Variants in IFT46 observed in about 807,000 individuals in gnomAD.
IFT46 encodes the protein intraflagellar transport protein 46 homolog.
In IFT46, 19 loss-of-function variants were observed where a neutral mutation model predicts 39.6. The ratio of observed to expected loss-of-function variants is 0.48; its 90% CI spans 0.33 to 0.70. IFT46 has a LOEUF of 0.70. Among genes scored for constraint, IFT46 ranks in the 30% least tolerant of loss-of-function variants. The pLI is 0.01. For synonymous variants in IFT46, 117 were observed against 134.8 expected, an observed-to-expected ratio of 0.87 and a Z score of 0.91; for missense variants, 334 against 364.8, an observed-to-expected ratio of 0.92 and a Z score of 0.69.
In IFT46 at chr11:118,549,491, T is replaced by C. The variant is rs550342906; in HGVS notation, c.672+2295A>G. ...ATTGGTATGTAGAACCTTTCATTTC[T>C]ATGAGTTTAAACTGTCACATTTTCT... On this transcript the variant is annotated intron_variant, in intron 9 of 11. Transcript: ENST00000264021. Among the ~76,000 whole-genome samples the C allele has an allele frequency of 3.3e-5, 5 of 152,132 alleles. No individual in the cohort carries two copies. The South Asian group carries it at 1.0e-3, about 32-fold the overall frequency.
At chr11:118,553,167 C>T (rs974196370) in intron 7 of IFT46, among the ~76,000 whole-genome samples, 1 of 151,644 alleles carries the variant, frequency 6.6e-6, no homozygotes, top group Non-Finnish European at 1.5e-5. Flanking sequence ...TTAGGCTGGG[C>T]TTGGTGGCTC....
chr11:118,555,793 C>T lies in IFT46; in HGVS notation c.186-471G>A, dbSNP rs549224949. On this transcript the variant is annotated intron_variant, in intron 4 of 11. Transcript: ENST00000264021. ...CAAAAATTAGCCAGGTGTGGTGGTG[C>T]ACACCTGTAGTCGCAGCTACTCAGG... Among the ~76,000 whole-genome samples the T allele has an allele frequency of 2.6e-5, 4 of 151,890 alleles. No homozygotes were observed. In the South Asian group the frequency reaches 8.3e-4, roughly 32 times the overall value.
chr11:118,547,319 G>A (rs1329341134), intron 9 of IFT46: 3 of 152,278 alleles, frequency 2.0e-5, no homozygotes, highest in Non-Finnish European at 2.9e-5. Flanking sequence ...CAGGGACAGA[G>A]GGCGGGGAAT....
rs190812737 is a variant in IFT46, at chr11:118,564,535, G to T, written c.-36+430C>A. The stretch of plus-strand genomic sequence containing the variant: ...AGATCAGCCTTGGTAACATAGCGAG[G>T]CCTCGTCTCTATAAAATTAAGAAAA... On this transcript the variant is annotated intron_variant, in intron 2 of 11. Coordinates refer to ENST00000264021, the MANE Select transcript of IFT46 (RefSeq NM_001168618.2). Among the ~76,000 whole-genome samples the T allele has an allele frequency of 3.5e-3, 532 of 152,120 alleles. 3 individuals carry two copies. The highest frequency in any genetic ancestry group is 6.3e-3 in the Non-Finnish European group (427 of 68,010).
chr11:118,573,325 G>A (rs1555072814), upstream of IFT46, among the ~76,000 whole-genome samples: 2 of 152,170 alleles, frequency 1.3e-5, no homozygotes, highest in African/African-American at 4.8e-5. Flanking sequence ...CTCACAGGAG[G>A]TGGAGTAAGA....
intron 4 of IFT46, among the ~76,000 whole-genome samples, chr11:118,555,939 T>C (rs1239089359): frequency 6.6e-6 from 1 of 151,776 alleles, no homozygotes; most frequent in Non-Finnish European, 1.5e-5. Context: ...AAAAAGAGAT[T>C]TAAATATCTG....
chr11:118,564,289 T>C (rs556969476), intron 2 of IFT46, among the ~76,000 whole-genome samples: 2 of 152,162 alleles, frequency 1.3e-5, no homozygotes, highest in South Asian at 4.2e-4. Context: ...CTTACCACAT[T>C]TGGCATGTGT....
At chr11:118,556,273 C>T (rs1165693035) in intron 4 of IFT46, among the ~76,000 whole-genome samples, 6 of 152,206 alleles carry the variant, frequency 3.9e-5, no homozygotes, top group Non-Finnish European at 7.4e-5. Flanking sequence ...GAGCGGATCA[C>T]GAGGTCAGGA....
intron 1 of IFT46, among the ~76,000 whole-genome samples, chr11:118,565,422 A>G (rs1938191414): frequency 7.1e-6 from 1 of 141,342 alleles, no homozygotes; most frequent in Non-Finnish European, 1.5e-5. Flanking sequence ...AAGGCTGTAG[A>G]GGTTCTAGAA....
At chr11:118,555,203 G>A (rs1555069235) in intron 5 of IFT46, 45 bp downstream of exon 5, 1 of 1,569,934 alleles carries the variant, frequency 6.4e-7, no homozygotes, top group Admixed American at 1.7e-5. Context: ...AAGGTTTGGG[G>A]CAAGGTAGGG....
Position 118,551,872 on chromosome 11 carries a change from T to C in IFT46, c.606-20A>G, listed in dbSNP as rs1937653783. ...ATGGGCCTAAAAGTATAAAGGTAAA[T>C]ATGAACAAGAAACGTGAACTGATAA... On this transcript the variant is annotated intron_variant, in intron 8 of 11. Transcript: ENST00000264021. 1.9e-6 allele frequency: 3 copies of C among 1,609,012 alleles called. No homozygotes were observed. The highest frequency in any genetic ancestry group is 2.6e-6 in the Non-Finnish European group (3 of 1,175,626).
intron 1 of IFT46, among the ~76,000 whole-genome samples, chr11:118,571,331 A>G (rs1315100582): frequency 6.6e-6 from 1 of 152,182 alleles, no homozygotes; most frequent in Admixed American, 6.5e-5. Flanking sequence ...ACATCTATTG[A>G]TGAATGGATT....
At chr11:118,572,255 G>A in intron 1 of IFT46, 1 of 436,408 alleles carries the variant, frequency 2.3e-6, no homozygotes. Context: ...GAGATACGAG[G>A]TTCCACAGCT....
chr11:118,551,936 G>A (rs1937655321), intron 8 of IFT46, 84 bp from the exon 9 acceptor site: 2 of 1,344,540 alleles, frequency 1.5e-6, no homozygotes, highest in Admixed American at 1.7e-5. Context: ...TAGGATGAAG[G>A]AGAGGTCTTC....
intron 9 of IFT46, among the ~76,000 whole-genome samples, chr11:118,547,444 A>G (rs1951712253): frequency 6.6e-6 from 1 of 152,122 alleles, no homozygotes; most frequent in Non-Finnish European, 1.5e-5. Context: ...TTTGAGACGG[A>G]GTCTTGCTCT....
rs149978137 is a variant in IFT46 at position 118,544,915 on chromosome 11, C to A, written c.*1G>T. ...CTTGAAACAGCAGCTTGGGAAGTGTCTCAGCTGAAGGTTAATGTCTCCATG... is the reference window on the plus strand; with the variant it reads ...CTTGAAACAGCAGCTTGGGAAGTGTATCAGCTGAAGGTTAATGTCTCCATG... On this transcript the variant is annotated 3_prime_UTR_variant, in exon 12 of 12. Coordinates refer to ENST00000264021, the MANE Select transcript of IFT46 (RefSeq NM_001168618.2). 1 of 1,609,074 alleles carries A rather than the reference C, an allele frequency of 6.2e-7. No homozygotes were observed. The highest frequency in any genetic ancestry group is 1.7e-5 in the Admixed American group (1 of 59,920).
In IFT46 at chr11:118,561,635, GA is replaced by G. The variant is rs1311066941; in HGVS notation, c.-35-1772del. 992 of 349,424 alleles carry G rather than the reference GA, an allele frequency of 2.8e-3. 1 individual carries two copies. The highest frequency in any genetic ancestry group is 6.2e-3 in the Middle Eastern group (7 of 1,128). 21.6% of individuals were successfully genotyped at this position (349,424 alleles called of 1,614,324 possible). A position where few individuals can be genotyped will look rare whatever the true frequency, so the allele number is the denominator to read the frequency against. The stretch of plus-strand genomic sequence containing the variant: ...GATAAAGACGATAAACATATGGACA[GA>G]AAAAAAAAAGATTTAACCTCTTTGA... On this transcript the variant is annotated intron_variant, in intron 2 of 11. Transcript: ENST00000264021.
intron 9 of IFT46, among the ~76,000 whole-genome samples, chr11:118,547,610 AG>A (rs150689986): frequency 0.16 from 24,479 of 151,682 alleles, 2,507 homozygotes; most frequent in East Asian, 0.5. Flanking sequence ...CAATAGAGAC[AG>A]GGGTCTCACC....
chr11:118,571,372 A>G (rs782674922), intron 1 of IFT46, among the ~76,000 whole-genome samples: 1 of 152,220 alleles, frequency 6.6e-6, no homozygotes, highest in Non-Finnish European at 1.5e-5. Flanking sequence ...TTTGGCTACT[A>G]TGAATAATGC....
Sources: allele counts gnomAD v4.1 joint callset (sites outside exome capture counted in the v4.1 genomes callset), GRCh38; gene constraint gnomAD v4.1.1; transcripts MANE v1.5; gene names NCBI Gene and HGNC (gene_info 2026-07-23, HGNC 2026-07-21).